Variants in SPATA6L observed in about 807,000 individuals in gnomAD.
The protein encoded by SPATA6L is spermatogenesis associated 6-like protein.
Under a neutral mutation model 49.2 loss-of-function variants are expected in SPATA6L, and 68 were observed. That is an observed-to-expected ratio of 1.38 (90% CI 1.14 to 1.69). The LOEUF (loss-of-function observed/expected upper bound fraction) is 1.69. Ranked by LOEUF, SPATA6L falls within the 40% of genes most tolerant of loss-of-function variation. The pLI, the probability that SPATA6L is intolerant of heterozygous loss-of-function variation, is 0.00. For missense variants in SPATA6L, 668 were observed against 464.3 expected (o/e 1.44, Z -4.03); for synonymous variants, 198 against 165.7 (o/e 1.19, Z -1.50).
chr9:4,642,252 T>C (rs971303220), intron 3 of SPATA6L, among the ~76,000 whole-genome samples: 2 of 152,206 alleles, frequency 1.3e-5, no homozygotes, highest in Admixed American at 6.5e-5. Flanking sequence ...CTCAGCATAC[T>C]AAAATATAAT....
intron 3 of SPATA6L, 110 bp from the exon 4 acceptor site, chr9:4,635,509 A>T (rs529907057): frequency 9.5e-7 from 1 of 1,054,818 alleles, no homozygotes; most frequent in Non-Finnish European, 1.3e-6. Context: ...AAAAATAGAC[A>T]TATTGATCCT....
At chr9:4,660,664 A>C (rs1839429509) in intron 2 of SPATA6L, among the ~76,000 whole-genome samples, 1 of 152,274 alleles carries the variant, frequency 6.6e-6, no homozygotes, top group African/African-American at 2.4e-5. Flanking sequence ...CATTTGACCC[A>C]GCCATCCCAT....
intron 2 of SPATA6L, among the ~76,000 whole-genome samples, chr9:4,658,401 T>A (rs143534050): frequency 1.3e-5 from 2 of 152,314 alleles, no homozygotes; most frequent in East Asian, 3.9e-4. Flanking sequence ...TGAAAGTAGT[T>A]GCAGCTAGAG....
At chr9:4,657,803 C>A (rs538950160) in intron 2 of SPATA6L, among the ~76,000 whole-genome samples, 14 of 152,278 alleles carry the variant, frequency 9.2e-5, no homozygotes, top group Admixed American at 2.0e-4. Flanking sequence ...GATTAGTTGG[C>A]AGTTTCTTAT....
chr9:4,650,206 C>T (rs891291862), intron 3 of SPATA6L, among the ~76,000 whole-genome samples: 1 of 152,168 alleles, frequency 6.6e-6, no homozygotes, highest in Non-Finnish European at 1.5e-5. Flanking sequence ...TGAGACCTAG[C>T]CTGCTCCCAT....
rs114679598 is a variant in SPATA6L at position 4,635,291 on chromosome 9, G to A, written c.335C>T (p.Thr112Met). The A allele has an allele frequency of 4.7e-4, 720 of 1,536,614 alleles. 4 individuals carry two copies. In the African/African-American group the frequency reaches 9.4e-3, roughly 20 times the overall value. ...PRRCREVLMK[T>M]ALGFPGIAPK... ...ATCACTTACTGGAAAACCCAGAGCCGTCTTCATGAGCACCTCCCTACACCT... is the reference window on the plus strand; with the variant it reads ...ATCACTTACTGGAAAACCCAGAGCCATCTTCATGAGCACCTCCCTACACCT... The change falls in exon 4 of 12, where the codon ACG becomes ATG. Residue 112 changes from threonine to methionine, a missense_variant. Transcript: ENST00000682582.
At chr9:4,601,695 T>C (rs1313931247) in intron 11 of SPATA6L, among the ~76,000 whole-genome samples, 1 of 152,120 alleles carries the variant, frequency 6.6e-6, no homozygotes, top group African/African-American at 2.4e-5. Context: ...GGGACAGGAA[T>C]TGGTGCTGCC....
At chr9:4,592,559 G>A (rs1821975856) in intron 13 of SPATA6L, among the ~76,000 whole-genome samples, 1 of 152,178 alleles carries the variant, frequency 6.6e-6, no homozygotes, top group African/African-American at 2.4e-5. Flanking sequence ...CCATGTGGCT[G>A]CAGTGTCACT....
intron 7 of SPATA6L, among the ~76,000 whole-genome samples, chr9:4,619,630 A>G (rs1278612948): frequency 2.0e-5 from 3 of 152,096 alleles, no homozygotes; most frequent in African/African-American, 4.8e-5. Context: ...CTCCTCTGAC[A>G]TTTTCTTTGG....
chr9:4,657,748 T>A (rs1053512962), intron 2 of SPATA6L, among the ~76,000 whole-genome samples: 2 of 152,156 alleles, frequency 1.3e-5, no homozygotes, highest in African/African-American at 4.8e-5. Flanking sequence ...AGACCCTAGT[T>A]AGAGATCAGC....
At chr9:4,640,488 C>A (rs1217331840) in intron 3 of SPATA6L, among the ~76,000 whole-genome samples, 2 of 152,058 alleles carry the variant, frequency 1.3e-5, no homozygotes, top group African/African-American at 2.4e-5. Flanking sequence ...GGTAACAATT[C>A]AGCCAATAGA....
At position 4,639,046 on chromosome 9, in the gene SPATA6L, T is replaced by C. The variant is rs898985332; in HGVS notation, c.227-3647A>G. Among the ~76,000 whole-genome samples, 4 of 152,286 alleles carry C rather than the reference T, an allele frequency of 2.6e-5. No homozygotes were observed. The East Asian group carries it at 7.7e-4, about 29-fold the overall frequency. On this transcript the variant is annotated intron_variant, in intron 3 of 11. Transcript: ENST00000682582. ...TGTAAACTACTTAACTTCAGTCTCCTCTTCAAGAAAATGTAAAAACTGTCA... is the reference window on the plus strand; with the variant it reads ...TGTAAACTACTTAACTTCAGTCTCCCCTTCAAGAAAATGTAAAAACTGTCA...
At chr9:4,656,958 T>A (rs1370412985) in intron 2 of SPATA6L, among the ~76,000 whole-genome samples, 3 of 149,854 alleles carry the variant, frequency 2.0e-5, no homozygotes, top group Non-Finnish European at 4.4e-5. Context: ...TCCCATAGAA[T>A]AAGGAAAGAA....
rs771989624 is a variant in SPATA6L at position 4,656,019 on chromosome 9, TTTTG to T, written c.226+18_226+21del. 1.9e-6 allele frequency: 3 copies of T among 1,600,732 alleles called. No homozygotes were observed. The Admixed American group carries it at 5.1e-5, about 27-fold the overall frequency. ...CACACAATAGTCTTTTGGTTTTTTG[TTTTG>T]TTTTTCAGAGTACCTACTTTCCAAA... is the stretch of plus-strand genomic sequence containing the variant. On this transcript the variant is annotated intron_variant, in intron 3 of 11. Coordinates refer to ENST00000682582, the MANE Select transcript of SPATA6L (RefSeq NM_001353486.2).
At chr9:4,632,828 C>A (rs1831918650) in intron 4 of SPATA6L, among the ~76,000 whole-genome samples, 1 of 152,126 alleles carries the variant, frequency 6.6e-6, no homozygotes, top group Admixed American at 6.5e-5. Flanking sequence ...AGAGGAAATA[C>A]CTGCCAAAGG....
chr9:4,631,827 C>G (rs1274097536), intron 4 of SPATA6L, among the ~76,000 whole-genome samples: 1 of 152,096 alleles, frequency 6.6e-6, no homozygotes, highest in African/African-American at 2.4e-5. Flanking sequence ...GCCAGTCAGG[C>G]CAGCACGAGG....
intron 3 of SPATA6L, among the ~76,000 whole-genome samples, chr9:4,648,678 C>A (rs565870236): frequency 7.6e-5 from 9 of 118,668 alleles, no homozygotes; most frequent in South Asian, 2.5e-4. Flanking sequence ...CCAGCCTGGG[C>A]GACAGAGCGA....
chr9:4,631,848 C>T (rs2130529404), intron 4 of SPATA6L, among the ~76,000 whole-genome samples: 1 of 152,172 alleles, frequency 6.6e-6, no homozygotes, highest in Non-Finnish European at 1.5e-5. Flanking sequence ...GTCCCTCTTC[C>T]ACCACTCACC....
At chr9:4,646,312 A>G (rs1835360479) in intron 3 of SPATA6L, 1 of 403,786 alleles carries the variant, frequency 2.5e-6, no homozygotes, top group East Asian at 3.7e-5. Flanking sequence ...TTCTGAAAAT[A>G]GACAAAATTT....
Sources: gnomAD v4.1 joint callset for allele counts (sites outside exome capture counted in the v4.1 genomes callset) on GRCh38, gnomAD v4.1.1 for gene constraint, MANE v1.5 for transcripts, NCBI Gene and HGNC (gene_info 2026-07-23, HGNC 2026-07-21) for gene names.